CCNO: variants seen among roughly 807,000 people sequenced by gnomAD.
CCNO encodes the protein cyclin O, also known as cyclin-O.
A neutral mutation model predicts 23.9 loss-of-function variants in CCNO; 24 were observed. That is an observed-to-expected ratio of 1.00 (90% CI 0.73 to 1.41). CCNO has a LOEUF of 1.41. Among genes scored for constraint, CCNO ranks in the 40% most tolerant of loss-of-function variants. The pLI is 0.00. For synonymous variants in CCNO, 241 were observed against 225.7 expected, an observed-to-expected ratio of 1.07 and a Z score of -0.61; for missense variants, 542 against 476.2, an observed-to-expected ratio of 1.14 and a Z score of -1.29.
chr5:55,231,551 G>A lies in CCNO; in HGVS notation c.877C>T (p.Arg293Cys), dbSNP rs1385690624. Residue 293 changes from arginine (R) to cysteine (C), a missense_variant, in exon 3 of 3, where the codon CGC becomes TGC. By Grantham distance (180) the Arg-to-Cys change is radical (BLOSUM62 -3). Transcript: ENST00000282572. ...ACGGGCCGCGAGACCCGCAGCATGCGGTCCGCCAGCGCCAGGCAGCAGATC... is the reference window on the plus strand; with the variant it reads ...ACGGGCCGCGAGACCCGCAGCATGCAGTCCGCCAGCGCCAGGCAGCAGATC... Reference protein sequence around the residue: ...LAICCLALADRMLRVSRPVDL... With the variant: ...LAICCLALADCMLRVSRPVDL... 8 of 1,613,356 alleles carry A rather than the reference G, an allele frequency of 5.0e-6. No individual in the cohort carries two copies. The highest frequency in any genetic ancestry group is 1.7e-5 in the Admixed American group (1 of 59,990).
chr5:55,233,599 G>A lies in CCNO; in HGVS notation c.-76C>T. 2.2e-6 allele frequency: 3 copies of A among 1,381,494 alleles called. No individual in the cohort carries two copies. Among genetic ancestry groups the A allele is most frequent in the Non-Finnish European group, 1.9e-6 (2 of 1,047,522 alleles). The allele number at this position is 1,381,494 out of a possible 1,614,324, so 85.6% of individuals were successfully genotyped here. On this transcript the variant is annotated 5_prime_UTR_variant, in exon 1 of 3. Coordinates refer to ENST00000282572, the MANE Select transcript of CCNO (RefSeq NM_021147.5). ...GCAGCAAACGCGCACTCGAAAGTGC[G>A]AAGGAGGCCGGGCTCAGAGGCTGGC... is the stretch of plus-strand genomic sequence containing the variant.
rs779203464 is a variant in CCNO, at chr5:55,231,414, C to A, written c.1014G>T (p.Gln338His). 3.1e-6 allele frequency: 5 copies of A among 1,614,164 alleles called. No individual in the cohort carries two copies. The South Asian group carries it at 3.3e-5, about 11-fold the overall frequency. Reference sequence around the variant, plus strand: ...GGGGCAGGCTGCACTTCTCGCAGATCTGAACGGGCAGCATGTGAGTCAAGG... The same window carrying A: ...GGGGCAGGCTGCACTTCTCGCAGATATGAACGGGCAGCATGTGAGTCAAGG... ...STSLTHMLPV[Q>H]ICEKCSLPPS... The change falls in exon 3 of 3, where the codon CAG (glutamine) becomes CAT (histidine). Residue 338 changes from glutamine to histidine, a missense_variant. By Grantham distance (24) the Gln-to-His change is conservative. Transcript: ENST00000282572.
intron 2 of CCNO, 106 bp downstream of exon 2, chr5:55,232,255 C>A (rs1274359845): frequency 2.0e-6 from 2 of 1,014,432 alleles, no homozygotes; most frequent in Non-Finnish European, 3.1e-6. Flanking sequence ...GTTCTGGGAA[C>A]CCAGCACTGA....
At chr5:55,232,774 A>G in intron 1 of CCNO, 1 of 596,700 alleles carries the variant, frequency 1.7e-6, no homozygotes, top group Admixed American at 3.0e-5. Context: ...TACCTCGCGT[A>G]ATGGGCTCAG....
At position 55,231,673 on chromosome 5, in the gene CCNO, G is replaced by A. The variant is rs1036843109; in HGVS notation, c.755C>T (p.Ala252Val). ...HARVEAGQAE[A>V]SEALEAQALA... ...GGCTTGCGCTTCCAGAGCTTCGGAG[G>A]CCTCAGCCTGCCCCGCCTCCACGCG... The change falls in exon 3 of 3, where the codon GCC (alanine) becomes GTC (valine). Residue 252 changes from alanine to valine, a missense_variant. Physicochemically the swap from Ala to Val is moderately conservative, Grantham distance 64. Transcript: ENST00000282572. 2 of 1,557,874 alleles carry A rather than the reference G, an allele frequency of 1.3e-6. No individual in the cohort carries two copies. The highest frequency in any genetic ancestry group is 1.7e-6 in the Non-Finnish European group (2 of 1,151,664).
Position 55,233,411 on chromosome 5 carries a change from C to T in CCNO, c.113G>A (p.Arg38Gln), listed in dbSNP as rs528711856. Residue 38 changes from arginine (R) to glutamine (Q), a missense_variant, in exon 1 of 3, where the codon CGG becomes CAG. Transcript: ENST00000282572. ...CAGGGGATGCAGCGGCTGCTTCCTC[C>T]GGAGGCGCGGACGCCTGCTCTTCTT... Reference protein sequence around the residue: ...PVKKSRRPRLRRKQPLHPLNP... With the variant: ...PVKKSRRPRLQRKQPLHPLNP... 8 of 1,608,782 alleles carry T rather than the reference C, an allele frequency of 5.0e-6. No individual in the cohort carries two copies. The highest frequency in any genetic ancestry group is 2.2e-5 in the South Asian group (2 of 90,438).
rs1315045237 is a variant in CCNO at position 55,231,684 on chromosome 5, C to T, written c.744G>A (p.Gly248=). Residue 248 remains glycine, a synonymous_variant, in exon 3 of 3, where the codon GGG becomes GGA. Transcript: ENST00000282572. The part of the protein sequence containing the change: ...EHFTHARVEA[G]QAEASEALEA... ...CCAGAGCTTCGGAGGCCTCAGCCTG[C>T]CCCGCCTCCACGCGAGCGTGCGTGA... 1.9e-6 allele frequency: 3 copies of T among 1,570,732 alleles called. No homozygotes were observed. The highest frequency in any genetic ancestry group is 1.9e-5 in the Admixed American group (1 of 52,864).
chr5:55,233,481 G>A lies in CCNO; in HGVS notation c.43C>T (p.Arg15Ter), dbSNP rs1480988155. 1.3e-6 allele frequency: 2 copies of A among 1,598,424 alleles called. No individual in the cohort carries two copies. Among genetic ancestry groups the A allele is most frequent in the Non-Finnish European group, 8.5e-7 (1 of 1,172,442 alleles). The change falls in exon 1 of 3, where the codon CGA (arginine) becomes TGA (stop). Residue 15 changes from arginine to a stop codon, truncating the protein, a stop_gained. Transcript: ENST00000282572. LOFTEE classifies it high-confidence loss of function. ...TGGTCGTTGTCCCGCCTCCCCGCTC[G>A]GGCGGCGGGGCTCGAGGGGCTGGTG... ...CPTSPSSPAA[R>*]AGRRDNDQNL...
In CCNO at chr5:55,232,444, C is replaced by G. The variant is rs1474708486; in HGVS notation, c.484G>C (p.Asp162His). Residue 162 changes from aspartate (D) to histidine (H), a missense_variant, in exon 2 of 3, where the codon GAC (aspartate) becomes CAC (histidine). By Grantham distance (81) the Asp-to-His change is moderately conservative. Transcript: ENST00000282572. Reference sequence around the variant, plus strand: ...ACCGGCGTGGTGGTGAGGAAGCGGTCCAGAGTGTTCACCGTCAGGCACAGC... The same window carrying G: ...ACCGGCGTGGTGGTGAGGAAGCGGTGCAGAGTGTTCACCGTCAGGCACAGC... Reference protein sequence around the residue: ...ESLCLTVNTLDRFLTTTPVAA... With the variant: ...ESLCLTVNTLHRFLTTTPVAA... The G allele has an allele frequency of 4.3e-6, 7 of 1,613,900 alleles. No individual in the cohort carries two copies. The highest frequency in any genetic ancestry group is 4.0e-5 in the African/African-American group (3 of 74,928).
intron 1 of CCNO, 94 bp downstream of exon 1, chr5:55,233,049 C>A (rs1745640470): frequency 4.4e-6 from 6 of 1,366,100 alleles, no homozygotes; most frequent in Non-Finnish European, 3.9e-6. Context: ...CTGTCGCGGG[C>A]CCGGGCGCTC....
chr5:55,231,804 G>A lies in CCNO; in HGVS notation c.624C>T (p.Phe208=). 1.3e-6 allele frequency: 2 copies of A among 1,556,776 alleles called. No homozygotes were observed. The highest frequency in any genetic ancestry group is 1.9e-4 in the Middle Eastern group (1 of 5,194). Residue 208 remains phenylalanine (F), a synonymous_variant, in exon 3 of 3, where the codon TTC becomes TTT. Transcript: ENST00000282572. ...KQLLALCCGA[F]SRQQLCNLEC... ...CGAGGTTGCAGAGCTGCTGCCGGGA[G>A]AAGGCGCCGCAGCAGAGGGCCAGAA...
In CCNO at chr5:55,232,286, G is replaced by C. The variant is rs569915958; in HGVS notation, c.567+75C>G. 1.7e-5 allele frequency: 23 copies of C among 1,375,266 alleles called. No homozygotes were observed. In the African/African-American group the frequency reaches 3.0e-4, roughly 18 times the overall value. The allele number at this position is 1,375,266 out of a possible 1,614,324, so 85.2% of individuals were successfully genotyped here. ...ACTGAATCGTGCGCGCTGGAAAGAC[G>C]GGCGGCCAGGGAGTGGCGGGGGAGT... On this transcript the variant is annotated intron_variant, in intron 2 of 2. Transcript: ENST00000282572.
In CCNO at chr5:55,231,859, A is replaced by C; in HGVS notation, c.569T>G (p.Val190Gly). 6.5e-7 allele frequency: 1 copy of C among 1,534,974 alleles called. No homozygotes were observed. Among genetic ancestry groups the C allele is most frequent in the Non-Finnish European group, 8.8e-7 (1 of 1,139,894 alleles). ...CTTCACGCGCGGCGGGTGCACCTCC[A>C]CCTGCAACACAGGGCGCACTCAACC... ...VTSLLIACKQ[V>G]EVHPPRVKQL... The change falls in exon 3 of 3, where the codon GTG becomes GGG. Residue 190 changes from valine to glycine, a missense_variant and splice_region_variant. Physicochemically the swap from Val to Gly is moderately radical, Grantham distance 109 (BLOSUM62 -3). Coordinates refer to ENST00000282572, the MANE Select transcript of CCNO (RefSeq NM_021147.5).
chr5:55,232,279 G>A, intron 2 of CCNO, 82 bp downstream of exon 2: 1 of 1,324,868 alleles, frequency 7.5e-7, no homozygotes, highest in Non-Finnish European at 1.1e-6. Flanking sequence ...GTGCGCGCTG[G>A]AAAGACGGGC....
chr5:55,231,927 C>T (rs1561120629), intron 2 of CCNO, 67 bp from the exon 3 acceptor site: 2 of 1,456,152 alleles, frequency 1.4e-6, no homozygotes, highest in East Asian at 2.5e-5. Context: ...CCCAGTATGA[C>T]GCCCGGACTT....
rs951406548 is a variant in CCNO at position 55,233,608 on chromosome 5, C to T, written c.-85G>A. On this transcript the variant is annotated 5_prime_UTR_variant, in exon 1 of 3. Transcript: ENST00000282572. ...GCGCACTCGAAAGTGCGAAGGAGGC[C>T]GGGCTCAGAGGCTGGCGCGGTCCTA... The T allele has an allele frequency of 4.5e-6, 6 of 1,341,898 alleles. No individual in the cohort carries two copies. Among genetic ancestry groups the T allele is most frequent in the African/African-American group, 1.5e-5 (1 of 67,822 alleles). 83.1% of individuals were successfully genotyped at this position (1,341,898 alleles called of 1,614,324 possible). A position where few individuals can be genotyped will look rare whatever the true frequency, so the allele number is the denominator to read the frequency against.
In CCNO at chr5:55,233,266, C is replaced by CGGGCCGGGCA. The variant is rs1554020080; in HGVS notation, c.248_257dup (p.Gln88ArgfsTer51). On this transcript the variant is annotated frameshift_variant, in exon 1 of 3. Transcript: ENST00000282572. LOFTEE classifies it high-confidence loss of function. ...GATCTAGCTGCGCCACGGGCTGGGC[C>CGGGCCGGGCA]GGGCCGGGCAGGGGGCTACCACCCC... The CGGGCCGGGCA allele has an allele frequency of 5.0e-6, 8 of 1,589,634 alleles. No homozygotes were observed. Among genetic ancestry groups the CGGGCCGGGCA allele is most frequent in the African/African-American group, 1.3e-5 (1 of 74,680 alleles).
chr5:55,231,476 C>G lies in CCNO; in HGVS notation c.952G>C (p.Gly318Arg), dbSNP rs143376529. The change falls in exon 3 of 3, where the codon GGC becomes CGC. Residue 318 changes from glycine (G) to arginine (R), a missense_variant. Transcript: ENST00000282572. ...ATGGCCACCAGCAGCTGCAACTTGC[C>G]CATACAGTCCTCCAGCGCCGCCTCC... Reference protein sequence around the residue: ...HPEAALEDCMGKLQLLVAINS... With the variant: ...HPEAALEDCMRKLQLLVAINS... 2 of 1,613,998 alleles carry G rather than the reference C, an allele frequency of 1.2e-6. No homozygotes were observed. The highest frequency in any genetic ancestry group is 2.7e-5 in the African/African-American group (2 of 74,948).
Position 55,233,165 on chromosome 5 carries a change from T to C in CCNO, c.359A>G (p.Glu120Gly). 1.9e-6 allele frequency: 3 copies of C among 1,545,980 alleles called. No individual in the cohort carries two copies. The South Asian group carries it at 3.6e-5, about 18-fold the overall frequency. ...CACTTGTGGCTGCCGTGCCAGCGCC[T>C]CCCGCGGGTGGAAGTGGCTCTCCTG... Reference protein sequence around the residue: ...KAQESHFHPREALARQPQVTA... With the variant: ...KAQESHFHPRGALARQPQVTA... The change falls in exon 1 of 3, where the codon GAG (glutamate) becomes GGG (glycine). Residue 120 changes from glutamate (E) to glycine (G), a missense_variant. Physicochemically the swap from Glu to Gly is moderately conservative, Grantham distance 98. Transcript: ENST00000282572.
Sources: gnomAD v4.1 joint callset for allele counts on GRCh38, gnomAD v4.1.1 for gene constraint, MANE v1.5 for transcripts, NCBI Gene and HGNC (gene_info 2026-07-23, HGNC 2026-07-21) for gene names.